The following CHST11 variants were observed in gnomAD, a reference collection of about 807,000 sequenced individuals.
CHST11 encodes C4S-1.
CHST11 carries 9 observed loss-of-function variants against 30.4 expected under a neutral mutation model. That is an observed-to-expected ratio of 0.30 (90% CI 0.18 to 0.52). The LOEUF (loss-of-function observed/expected upper bound fraction) is 0.52, where lower values mean the gene tolerates loss of function less well. CHST11 is among the 20% of genes least tolerant of loss of function. The pLI, the probability that CHST11 is intolerant of heterozygous loss-of-function variation, is 0.97. For missense variants in CHST11, 348 were observed against 460.6 expected (o/e 0.76, Z 2.24); for synonymous variants, 152 against 187.8 (o/e 0.81, Z 1.56).
intron 1 of CHST11, among the ~76,000 whole-genome samples, chr12:104,545,175 A>G (rs1179662525): frequency 9.7e-6 from 1 of 102,678 alleles, no homozygotes; most frequent in African/African-American, 3.0e-5. Context: ...AAAAAAATCA[A>G]TCCATTCATT....
At chr12:104,682,190 A>G (rs2039804010) in intron 2 of CHST11, among the ~76,000 whole-genome samples, 1 of 152,208 alleles carries the variant, frequency 6.6e-6, no homozygotes, top group South Asian at 2.1e-4. Flanking sequence ...CCGAAATAAT[A>G]TAATGTGGGA....
intron 2 of CHST11, among the ~76,000 whole-genome samples, chr12:104,741,927 C>T (rs551625522): frequency 1.1e-4 from 17 of 152,290 alleles, no homozygotes; most frequent in Admixed American, 5.9e-4. Flanking sequence ...ATCAGATTCC[C>T]GCTGTGATTC....
chr12:104,555,009 TTCAC>T (rs1374366390), intron 1 of CHST11, among the ~76,000 whole-genome samples: 1 of 152,248 alleles, frequency 6.6e-6, no homozygotes, highest in African/African-American at 2.4e-5. Context: ...ATTTCATTCA[TTCAC>T]TCACTCAGTT....
At chr12:104,732,764 C>T (rs2040267780) in intron 2 of CHST11, among the ~76,000 whole-genome samples, 1 of 152,192 alleles carries the variant, frequency 6.6e-6, no homozygotes, top group Non-Finnish European at 1.5e-5. Context: ...CTATTGATAC[C>T]CCCAGTCTCC....
intron 1 of CHST11, among the ~76,000 whole-genome samples, chr12:104,546,643 T>C (rs910430277): frequency 6.6e-6 from 1 of 152,140 alleles, no homozygotes. Flanking sequence ...AAAGGGCCAT[T>C]GCAGCACCTG....
intron 2 of CHST11, among the ~76,000 whole-genome samples, chr12:104,693,749 G>C (rs902438922): frequency 1.3e-5 from 2 of 152,178 alleles, no homozygotes; most frequent in Non-Finnish European, 2.9e-5. Context: ...TGGATAAGTA[G>C]GAGTTAGCCA....
intron 1 of CHST11, among the ~76,000 whole-genome samples, chr12:104,479,694 A>T (rs7313427): frequency 0.026 from 4,033 of 152,308 alleles, 178 homozygotes; most frequent in African/African-American, 0.093. Flanking sequence ...GTAGTATGCT[A>T]GGAAGTTTTT....
chr12:104,518,278 C>T (rs767207655), intron 1 of CHST11, among the ~76,000 whole-genome samples: 48 of 151,928 alleles, frequency 3.2e-4, no homozygotes, highest in Non-Finnish European at 5.6e-4. Flanking sequence ...GAGAGCGAGA[C>T]CCTGTCTCAA....
chr12:104,624,837 T>C (rs2039196485), intron 2 of CHST11, among the ~76,000 whole-genome samples: 1 of 152,256 alleles, frequency 6.6e-6, no homozygotes, highest in African/African-American at 2.4e-5. Context: ...GGTTGGTTTC[T>C]GGTGAGCCTC....
intron 1 of CHST11, among the ~76,000 whole-genome samples, chr12:104,475,691 T>TATATATATATATATATATATATATA (rs6144846): frequency 1.6e-5 from 2 of 127,794 alleles, no homozygotes; most frequent in Non-Finnish European, 3.4e-5. Flanking sequence ...TATATATATA[T>TATATATATATATATATATATATATA]TTCTGATTAT....
At chr12:104,755,419 T>C (rs2040466492) in intron 2 of CHST11, among the ~76,000 whole-genome samples, 1 of 152,044 alleles carries the variant, frequency 6.6e-6, no homozygotes, top group Non-Finnish European at 1.5e-5. Flanking sequence ...GCACACTCAG[T>C]GTTGTGGGTG....
chr12:104,631,697 T>C (rs1013802571), intron 2 of CHST11, among the ~76,000 whole-genome samples: 6 of 152,220 alleles, frequency 3.9e-5, no homozygotes, highest in Non-Finnish European at 8.8e-5. Flanking sequence ...CTCTCAGGAC[T>C]GGCTACATGA....
chr12:104,642,521 C>T (rs1233602120), intron 2 of CHST11, among the ~76,000 whole-genome samples: 2 of 152,170 alleles, frequency 1.3e-5, no homozygotes, highest in Admixed American at 6.6e-5. Flanking sequence ...CCACTTCAGC[C>T]TCCTCAGTAG....
intron 2 of CHST11, among the ~76,000 whole-genome samples, chr12:104,687,057 G>A (rs1255192554): frequency 1.3e-5 from 2 of 152,234 alleles, no homozygotes; most frequent in African/African-American, 4.8e-5. Flanking sequence ...AACTGCCAAG[G>A]CTCATGGTCC....
chr12:104,605,545 G>A (rs2038997264), intron 2 of CHST11, among the ~76,000 whole-genome samples: 1 of 152,176 alleles, frequency 6.6e-6, no homozygotes, highest in South Asian at 2.1e-4. Context: ...CGCCACTGCA[G>A]TCCAGCCTGG....
In CHST11 at chr12:104,633,877, C is replaced by G. The variant is rs574314348; in HGVS notation, c.204+31886C>G. Among the ~76,000 whole-genome samples the G allele has an allele frequency of 5.3e-5, 8 of 152,310 alleles. No individual in the cohort carries two copies. In the East Asian group the frequency reaches 1.5e-3, roughly 29 times the overall value. ...TCTTCCTGTCCTCTGCCACTCCCAG[C>G]TCCCCCTGCCCCACCTCTCTGTTCC... On this transcript the variant is annotated intron_variant, in intron 2 of 2. Transcript: ENST00000303694.
At chr12:104,460,531 G>A (rs1230820380) in intron 1 of CHST11, among the ~76,000 whole-genome samples, 1 of 152,054 alleles carries the variant, frequency 6.6e-6, no homozygotes, top group Non-Finnish European at 1.5e-5. Flanking sequence ...GGGTGTGGTG[G>A]CACACGCCTG....
At chr12:104,616,571 T>G (rs2039110394) in intron 2 of CHST11, among the ~76,000 whole-genome samples, 1 of 152,032 alleles carries the variant, frequency 6.6e-6, no homozygotes, top group African/African-American at 2.4e-5. Context: ...GTTCAAGCGA[T>G]TCTCCTGCCT....
At chr12:104,746,631 G>T (rs1236115623) in intron 2 of CHST11, among the ~76,000 whole-genome samples, 1 of 152,170 alleles carries the variant, frequency 6.6e-6, no homozygotes, top group Non-Finnish European at 1.5e-5. Context: ...CAGAGATTCA[G>T]TTGTTGTTCC....
Sources: allele counts gnomAD v4.1 joint callset (sites outside exome capture counted in the v4.1 genomes callset), GRCh38; gene constraint gnomAD v4.1.1; transcripts MANE v1.5; gene names NCBI Gene and HGNC (gene_info 2026-07-23, HGNC 2026-07-21).